The following IKZF2 variants were observed in gnomAD, a reference collection of about 807,000 sequenced individuals.
IKZF2 encodes the protein zinc finger protein Helios.
A neutral mutation model predicts 49.2 loss-of-function variants in IKZF2; 15 were observed. The observed-to-expected ratio is 0.30, with a 90% CI of 0.20 to 0.47. The LOEUF is 0.47. IKZF2 is among the 20% of genes least tolerant of loss of function. IKZF2 has a pLI of 1.00. For missense variants in IKZF2, 567 were observed against 664.6 expected, an observed-to-expected ratio of 0.85 and a Z score of 1.61; for synonymous variants, 227 against 221.4, an observed-to-expected ratio of 1.03 and a Z score of -0.23.
intron 4 of IKZF2, among the ~76,000 whole-genome samples, chr2:213,077,736 C>T (rs1003592245): frequency 1.1e-4 from 16 of 151,658 alleles, no homozygotes; most frequent in South Asian, 4.2e-4. Flanking sequence ...TACAGGCGCC[C>T]GCCACCATGT....
Position 213,056,822 on chromosome 2 carries a change from C to T in IKZF2, c.406+11G>A. ...ACAGGCAGTCATCAGGTTATTCTTT[C>T]AGCTGCTTACCAGTGTGACTCCTTT... On this transcript the variant is annotated intron_variant, in intron 5 of 8. Coordinates refer to ENST00000434687, the MANE Select transcript of IKZF2 (RefSeq NM_001387220.1). 6.2e-7 allele frequency: 1 copy of T among 1,613,562 alleles called. No homozygotes were observed. Among genetic ancestry groups the T allele is most frequent in the South Asian group, 1.1e-5 (1 of 91,074 alleles).
intron 4 of IKZF2, among the ~76,000 whole-genome samples, chr2:213,119,994 C>G (rs1487477421): frequency 6.6e-6 from 1 of 152,146 alleles, no homozygotes; most frequent in Non-Finnish European, 1.5e-5. Context: ...GTCTCTCCCT[C>G]TTTTCATTCC....
chr2:213,003,290 G>A lies in IKZF2; in HGVS notation c.*4070C>T, dbSNP rs1695055553. The A allele has an allele frequency of 6.6e-6, 1 of 151,956 alleles. No individual in the cohort carries two copies. The highest frequency in any genetic ancestry group is 2.1e-4 in the South Asian group (1 of 4,828). The allele number at this position is 151,956 out of a possible 1,614,324, so 9.4% of individuals were successfully genotyped here. On this transcript the variant is annotated 3_prime_UTR_variant, in exon 9 of 9. Coordinates refer to ENST00000434687, the MANE Select transcript of IKZF2 (RefSeq NM_001387220.1). ...TATTTTAATTATTTTGCAGAAACTG[G>A]AGAATTAAAAATATGTCTAAGATAA... is the stretch of plus-strand genomic sequence containing the variant.
At chr2:213,044,036 C>T (rs1210885081) in intron 6 of IKZF2, among the ~76,000 whole-genome samples, 2 of 152,164 alleles carry the variant, frequency 1.3e-5, no homozygotes, top group Non-Finnish European at 2.9e-5. Flanking sequence ...TCAATTGGCT[C>T]CGTTGTCCTC....
intron 4 of IKZF2, among the ~76,000 whole-genome samples, chr2:213,058,132 C>T (rs1302560624): frequency 6.6e-6 from 1 of 152,058 alleles, no homozygotes; most frequent in Non-Finnish European, 1.5e-5. Context: ...CTTTTCATTG[C>T]CGTTGTTTTC....
intron 4 of IKZF2, among the ~76,000 whole-genome samples, chr2:213,130,276 G>A (rs2060432145): frequency 6.6e-6 from 1 of 151,964 alleles, no homozygotes; most frequent in South Asian, 2.1e-4. Flanking sequence ...ACTAAGCTAG[G>A]GTCTCTCACA....
At chr2:213,013,091 A>G (rs1036810724) in intron 8 of IKZF2, among the ~76,000 whole-genome samples, 28 of 152,122 alleles carry the variant, frequency 1.8e-4, no homozygotes, top group Middle Eastern at 3.4e-3. Flanking sequence ...AATATATGAT[A>G]TTTAATCTTT....
intron 4 of IKZF2, among the ~76,000 whole-genome samples, chr2:213,083,329 A>G (rs1364792632): frequency 6.8e-6 from 1 of 146,232 alleles, no homozygotes; most frequent in South Asian, 2.2e-4. Flanking sequence ...CTACTGCTTG[A>G]GCTCCACCTC....
chr2:213,146,302 T>C (rs1309610890), intron 4 of IKZF2, among the ~76,000 whole-genome samples: 1 of 152,076 alleles, frequency 6.6e-6, no homozygotes, highest in Non-Finnish European at 1.5e-5. Flanking sequence ...TCAAATCAAC[T>C]AGCAAAAAAC....
At position 213,004,171 on chromosome 2, in the gene IKZF2, A is replaced by T. The variant is rs1695137291; in HGVS notation, c.*3189T>A. ...CTTTAAAAGAATGTGTGTGTAGTAT[A>T]CACACACATATACCCTATGATTCAT... On this transcript the variant is annotated 3_prime_UTR_variant, in exon 9 of 9. Transcript: ENST00000434687. 1.3e-5 allele frequency: 2 copies of T among 151,818 alleles called. No homozygotes were observed. Among genetic ancestry groups the T allele is most frequent in the Non-Finnish European group, 2.9e-5 (2 of 67,824 alleles). 9.4% of individuals were successfully genotyped at this position (151,818 alleles called of 1,614,324 possible). A position where few individuals can be genotyped will look rare whatever the true frequency, so the allele number is the denominator to read the frequency against.
At position 213,148,509 on chromosome 2, in the gene IKZF2, T is replaced by C. The variant is rs1032421694; in HGVS notation, c.34+87A>G. ...AGAAAAAAGAGTACAGAATTCTCAA[T>C]AAAGTTTCATAATCCAGGAATTAAA... On this transcript the variant is annotated intron_variant, in intron 3 of 8. Transcript: ENST00000434687. 1.8e-5 allele frequency: 16 copies of C among 898,406 alleles called. No individual in the cohort carries two copies. In the Middle Eastern group the frequency reaches 7.6e-4, roughly 43 times the overall value. 55.7% of individuals were successfully genotyped at this position (898,406 alleles called of 1,614,324 possible). A position where few individuals can be genotyped will look rare whatever the true frequency, so the allele number is the denominator to read the frequency against.
intron 4 of IKZF2, among the ~76,000 whole-genome samples, chr2:213,072,915 C>T (rs1224877778): frequency 6.6e-6 from 1 of 152,046 alleles, no homozygotes; most frequent in Non-Finnish European, 1.5e-5. Context: ...TTTTATTCTG[C>T]TTAAGCTTCT....
chr2:213,005,221 GC>G lies in IKZF2; in HGVS notation c.*2138del, dbSNP rs1323651746. ...GGGGGTGAGCGAGTCTCAAAAACATGCTTTATCTTTAAATAGGTTGTATGTT... is the reference window on the plus strand; with the variant it reads ...GGGGGTGAGCGAGTCTCAAAAACATGTTTATCTTTAAATAGGTTGTATGTT... On this transcript the variant is annotated 3_prime_UTR_variant, in exon 9 of 9. Coordinates refer to ENST00000434687, the MANE Select transcript of IKZF2 (RefSeq NM_001387220.1). The G allele has an allele frequency of 7.2e-6, 1 of 138,350 alleles. No individual in the cohort carries two copies. The highest frequency in any genetic ancestry group is 1.6e-5 in the Non-Finnish European group (1 of 64,316). The allele number at this position is 138,350 out of a possible 1,614,324, so 8.6% of individuals were successfully genotyped here.
chr2:213,056,676 C>T (rs1368246786), intron 5 of IKZF2, 157 bp downstream of exon 5: 2 of 871,100 alleles, frequency 2.3e-6, no homozygotes, highest in African/African-American at 3.3e-5. Flanking sequence ...AAGACCCAGG[C>T]TACTCTCTGT....
At chr2:213,011,723 T>C (rs1184386460) in intron 8 of IKZF2, among the ~76,000 whole-genome samples, 3 of 152,030 alleles carry the variant, frequency 2.0e-5, no homozygotes, top group Admixed American at 6.6e-5. Context: ...GGCCAGCTGA[T>C]ATTTGGGATC....
chr2:213,019,723 C>A (rs972588623), intron 7 of IKZF2, among the ~76,000 whole-genome samples: 9 of 152,270 alleles, frequency 5.9e-5, no homozygotes, highest in Admixed American at 5.9e-4. Context: ...CTACCCAGTG[C>A]CCCTACCCCT....
rs1356433764 is a variant in IKZF2 at position 213,000,602 on chromosome 2, T to G, written c.*6758A>C. 6.6e-6 allele frequency: 1 copy of G among 151,802 alleles called. No homozygotes were observed. Among genetic ancestry groups the G allele is most frequent in the African/African-American group, 2.4e-5 (1 of 41,354 alleles). The allele number at this position is 151,802 out of a possible 1,614,324, so 9.4% of individuals were successfully genotyped here. A position where few individuals can be genotyped will look rare whatever the true frequency, so the allele number is the denominator to read the frequency against. Reference sequence around the variant, plus strand: ...GGACACAGGTATAAAAAAAGAAAATTAGCACACTACATATAAATATGTATA... The same window carrying G: ...GGACACAGGTATAAAAAAAGAAAATGAGCACACTACATATAAATATGTATA... On this transcript the variant is annotated 3_prime_UTR_variant, in exon 9 of 9. Transcript: ENST00000434687.
At chr2:213,125,630 T>C (rs768514146) in intron 4 of IKZF2, among the ~76,000 whole-genome samples, 4 of 152,276 alleles carry the variant, frequency 2.6e-5, no homozygotes, top group Middle Eastern at 3.4e-3. Flanking sequence ...ACATAGCAAA[T>C]ACACAGCTAA....
rs74916279 is a variant in IKZF2 at position 213,046,057 on chromosome 2, G to A, written c.574+3656C>T. Among the ~76,000 whole-genome samples, 105 of 149,236 alleles carry A rather than the reference G, an allele frequency of 7.0e-4. 1 individual carries two copies. The highest frequency in any genetic ancestry group is 2.5e-3 in the African/African-American group (100 of 40,470). On this transcript the variant is annotated intron_variant, in intron 6 of 8. Coordinates refer to ENST00000434687, the MANE Select transcript of IKZF2 (RefSeq NM_001387220.1). Reference sequence around the variant, plus strand: ...AAGCCTCAGTGTGTAGATCCCTCGTGGTTTTATAGTAAAGACATGCAGTTT... The same window carrying A: ...AAGCCTCAGTGTGTAGATCCCTCGTAGTTTTATAGTAAAGACATGCAGTTT...
Sources: gnomAD v4.1 joint callset for allele counts (sites outside exome capture counted in the v4.1 genomes callset) on GRCh38, gnomAD v4.1.1 for gene constraint, MANE v1.5 for transcripts, NCBI Gene and HGNC (gene_info 2026-07-23, HGNC 2026-07-21) for gene names.